ABCG1: variants seen among roughly 807,000 people sequenced by gnomAD.
ABCG1 encodes the protein ATP-binding cassette sub-family G member 1.
Under a neutral mutation model 69.2 loss-of-function variants are expected in ABCG1, and 29 were observed. That is an observed-to-expected ratio of 0.42 (90% CI 0.31 to 0.57). ABCG1 has a LOEUF of 0.57. Among genes scored for constraint, ABCG1 ranks in the 20% least tolerant of loss-of-function variants. The pLI, the probability that ABCG1 is intolerant of heterozygous loss-of-function variation, is 0.15. For synonymous variants in ABCG1, 370 were observed against 374.8 expected, an observed-to-expected ratio of 0.99 and a Z score of 0.15; for missense variants, 718 against 898.1, an observed-to-expected ratio of 0.80 and a Z score of 2.56.
At chr21:42,269,800 T>A (rs2068582612) in intron 2 of ABCG1, among the ~76,000 whole-genome samples, 1 of 152,090 alleles carries the variant, frequency 6.6e-6, no homozygotes, top group African/African-American at 2.4e-5. Context: ...CTTGGAAACA[T>A]AAAGGCTTGG....
chr21:42,256,128 C>T (rs191109250), intron 2 of ABCG1: 38 of 1,375,094 alleles, frequency 2.8e-5, no homozygotes, highest in Non-Finnish European at 3.3e-5. Flanking sequence ...CTTCCCAAGC[C>T]TCTCCCTGTC....
intron 2 of ABCG1, among the ~76,000 whole-genome samples, chr21:42,255,756 GC>G (rs1354605697): frequency 6.6e-6 from 1 of 152,166 alleles, no homozygotes; most frequent in Non-Finnish European, 1.5e-5. Flanking sequence ...CCATGCTCAA[GC>G]CCCTCACCTG....
At chr21:42,215,685 G>A (rs139827344), upstream of ABCG1, among the ~76,000 whole-genome samples, 1,045 of 152,312 alleles carry the variant, frequency 6.9e-3, 12 homozygotes, top group Middle Eastern at 0.048. Context: ...ACAAAAGGGC[G>A]TCTTCTAGGA....
At chr21:42,236,979 T>C (rs1243655929) in intron 2 of ABCG1, among the ~76,000 whole-genome samples, 1 of 152,190 alleles carries the variant, frequency 6.6e-6, no homozygotes, top group Admixed American at 6.5e-5. Flanking sequence ...GCGAATGAGT[T>C]TGTCCAGAAA....
chr21:42,230,903 GAGGA>G (rs2067891930), intron 2 of ABCG1, among the ~76,000 whole-genome samples: 1 of 152,248 alleles, frequency 6.6e-6, no homozygotes, highest in Admixed American at 6.5e-5. Flanking sequence ...TAGGAGTGGG[GAGGA>G]AGGAACTCAG....
At chr21:42,245,993 C>T (rs1211200464) in intron 2 of ABCG1, among the ~76,000 whole-genome samples, 1 of 152,222 alleles carries the variant, frequency 6.6e-6, no homozygotes, top group East Asian at 1.9e-4. Flanking sequence ...GAACAGCAGC[C>T]CCAGGAGCAT....
chr21:42,285,864 C>T lies in ABCG1; in HGVS notation c.859-16C>T. 1 of 1,590,910 alleles carries T rather than the reference C, an allele frequency of 6.3e-7. No homozygotes were observed. The highest frequency in any genetic ancestry group is 8.6e-7 in the Non-Finnish European group (1 of 1,159,622). On this transcript the variant is annotated splice_polypyrimidine_tract_variant and intron_variant, in intron 7 of 14. Coordinates refer to ENST00000398449, the MANE Select transcript of ABCG1 (RefSeq NM_016818.3). ...AAGGCAGGGCTTGATCCCTTTTTCT[C>T]CTTCCTTTTTTCCAGCTTTACGTCC...
rs756341795 is a variant in ABCG1, at chr21:42,291,482, G to A, written c.1495-16G>A. Reference sequence around the variant, plus strand: ...GGAAGCGGCTGAGCCCGCGGCTGACGGGTCCTTGTTTCCAGATCATGTTCC... The same window carrying A: ...GGAAGCGGCTGAGCCCGCGGCTGACAGGTCCTTGTTTCCAGATCATGTTCC... On this transcript the variant is annotated splice_polypyrimidine_tract_variant and intron_variant, in intron 12 of 14. Transcript: ENST00000398449. The surrounding 1 kb of genome is among the most constrained non-coding windows in gnomAD (Gnocchi z 6.4). 5.6e-6 allele frequency: 9 copies of A among 1,600,518 alleles called. No individual in the cohort carries two copies. Among genetic ancestry groups the A allele is most frequent in the East Asian group, 4.5e-5 (2 of 44,494 alleles).
chr21:42,220,140 C>T, intron 1 of ABCG1: 2 of 1,119,030 alleles, frequency 1.8e-6, no homozygotes, highest in African/African-American at 1.5e-5. Flanking sequence ...CCCCCAGCCA[C>T]CCACCTCACC....
chr21:42,281,425 GA>G (rs2068805977), intron 5 of ABCG1, among the ~76,000 whole-genome samples: 2 of 152,222 alleles, frequency 1.3e-5, no homozygotes, highest in Non-Finnish European at 2.9e-5. Flanking sequence ...AGCCAGCACA[GA>G]AATCTGCTGA....
At chr21:42,294,966 G>A (rs2069175772) in intron 14 of ABCG1, 3 of 343,710 alleles carry the variant, frequency 8.7e-6, no homozygotes, top group South Asian at 3.0e-5. Context: ...TTTTAGGAAC[G>A]TTCTTCCTCC....
At chr21:42,267,934 G>A (rs916365981) in intron 2 of ABCG1, among the ~76,000 whole-genome samples, 18 of 140,954 alleles carry the variant, frequency 1.3e-4, no homozygotes, top group Non-Finnish European at 2.2e-4. Flanking sequence ...GTCTGGGTGT[G>A]GTCTGGGTTC....
chr21:42,237,994 A>G (rs1293183417), intron 2 of ABCG1, among the ~76,000 whole-genome samples: 1 of 152,180 alleles, frequency 6.6e-6, no homozygotes, highest in Admixed American at 6.5e-5. Flanking sequence ...TCAGGATTGG[A>G]GTGAGGAATA....
At chr21:42,279,403 C>A (rs1032285552) in intron 5 of ABCG1, among the ~76,000 whole-genome samples, 2 of 152,146 alleles carry the variant, frequency 1.3e-5, no homozygotes, top group African/African-American at 4.8e-5. Flanking sequence ...CTTGCTAACA[C>A]GGAGAGGCCC....
At chr21:42,240,970 G>A (rs1252647642) in intron 2 of ABCG1, among the ~76,000 whole-genome samples, 1 of 152,282 alleles carries the variant, frequency 6.6e-6, no homozygotes, top group Non-Finnish European at 1.5e-5. Flanking sequence ...GAGGGCACAG[G>A]TGGGGAGTTA....
At chr21:42,294,735 G>GCTTTTGTGAGCCC in intron 14 of ABCG1, 75 bp downstream of exon 14, 1 of 1,337,982 alleles carries the variant, frequency 7.5e-7, no homozygotes, top group Non-Finnish European at 1.1e-6. Context: ...AGCGTGAGGG[G>GCTTTTGTGAGCCC]CTCACAAAAG....
intron 2 of ABCG1, among the ~76,000 whole-genome samples, chr21:42,206,534 T>C (rs978795466): frequency 6.6e-6 from 1 of 152,188 alleles, no homozygotes; most frequent in African/African-American, 2.4e-5. Context: ...GAGTGTTATA[T>C]AAATATTGAT....
upstream of ABCG1, among the ~76,000 whole-genome samples, chr21:42,215,658 G>A (rs1249169410): frequency 5.3e-5 from 8 of 152,210 alleles, no homozygotes; most frequent in Admixed American, 1.3e-4. Context: ...CACCCATCCC[G>A]AGAAGGGGAA....
chr21:42,282,675 G>A (rs570055076), intron 6 of ABCG1, among the ~76,000 whole-genome samples: 1 of 152,348 alleles, frequency 6.6e-6, no homozygotes, highest in East Asian at 1.9e-4. Flanking sequence ...GTCCTTTCAC[G>A]ATGCATATCT....
Sources: allele counts gnomAD v4.1 joint callset (sites outside exome capture counted in the v4.1 genomes callset), GRCh38; gene constraint gnomAD v4.1.1; non-coding constraint Gnocchi (gnomAD v3.1); transcripts MANE v1.5; gene names NCBI Gene and HGNC (gene_info 2026-07-23, HGNC 2026-07-21).